The following RBFOX1 variants were observed in gnomAD, a reference collection of about 807,000 sequenced individuals.
The protein encoded by RBFOX1 is RNA binding fox-1 homolog 1.
Under a neutral mutation model 57.7 loss-of-function variants are expected in RBFOX1, and 8 were observed. The ratio of observed to expected loss-of-function variants is 0.14; its 90% CI spans 0.08 to 0.25. The LOEUF (loss-of-function observed/expected upper bound fraction) is 0.25. Ranked by LOEUF, RBFOX1 falls within the 10% of genes least tolerant of loss-of-function variation. The probability of loss-of-function intolerance (pLI) is 1.00; values close to 1 mark genes in which losing one functional copy is unlikely to be tolerated. For missense variants in RBFOX1, 611 were observed against 548.5 expected (o/e 1.11, Z -1.14); for synonymous variants, 326 against 222.4 (o/e 1.47, Z -4.15).
chr16:6,464,644 A>G (rs796304218), intron 2 of RBFOX1, among the ~76,000 whole-genome samples: 1 of 152,228 alleles, frequency 6.6e-6, no homozygotes, highest in Non-Finnish European at 1.5e-5. Context: ...TAGCCCTAAC[A>G]TCGCTGCTAT....
chr16:6,082,468 C>A (rs2096018355), intron 1 of RBFOX1, among the ~76,000 whole-genome samples: 1 of 149,936 alleles, frequency 6.7e-6, no homozygotes, highest in African/African-American at 2.5e-5. Context: ...CGTGCCCAGC[C>A]TCCAGTGCAT....
At chr16:7,312,432 C>A (rs866768493) in intron 4 of RBFOX1, among the ~76,000 whole-genome samples, 1 of 152,152 alleles carries the variant, frequency 6.6e-6, no homozygotes, top group Non-Finnish European at 1.5e-5. Flanking sequence ...GTTAAAGAAA[C>A]GTAGGATTTG....
At chr16:6,024,521 C>A (rs920548130) in intron 1 of RBFOX1, among the ~76,000 whole-genome samples, 7 of 152,194 alleles carry the variant, frequency 4.6e-5, no homozygotes, top group Admixed American at 3.3e-4. Flanking sequence ...CAGAGCCTCA[C>A]GTTGTATCCC....
At chr16:6,904,494 G>T (rs533966955) in intron 3 of RBFOX1, among the ~76,000 whole-genome samples, 4 of 151,314 alleles carry the variant, frequency 2.6e-5, no homozygotes, top group Admixed American at 6.6e-5. Context: ...CCAGCTACTC[G>T]GGAGGCCGAG....
At chr16:6,069,735 C>T (rs892262374) in intron 1 of RBFOX1, among the ~76,000 whole-genome samples, 6 of 152,010 alleles carry the variant, frequency 3.9e-5, no homozygotes, top group African/African-American at 1.4e-4. Context: ...ACCTGTAATC[C>T]CAACACTTTG....
At chr16:7,119,037 T>G (rs747102633) in intron 4 of RBFOX1, among the ~76,000 whole-genome samples, 3 of 152,106 alleles carry the variant, frequency 2.0e-5, no homozygotes, top group Non-Finnish European at 2.9e-5. Flanking sequence ...TCAAGGTTAC[T>G]TTTTGCAGGT....
chr16:5,921,391 G>T lies in RBFOX1; in HGVS notation c.351+54056G>T, dbSNP rs754214933. Reference sequence around the variant, plus strand: ...CTTAAGATGCAAGGTGGAATCTGATGAAAGTTAGGAGCAAAGTACCTGGGA... The same window carrying T: ...CTTAAGATGCAAGGTGGAATCTGATTAAAGTTAGGAGCAAAGTACCTGGGA... On this transcript the variant is annotated intron_variant, in intron 4 of 19. Coordinates refer to the RBFOX1 transcript ENST00000641259. 4.9e-4 allele frequency among the ~76,000 whole-genome samples: 74 copies of T among 152,206 alleles called. 1 individual carries two copies. Among genetic ancestry groups the T allele is most frequent in the Non-Finnish European group, 1.3e-4 (9 of 68,050 alleles).
At chr16:7,420,488 T>C (rs2098529823) in intron 4 of RBFOX1, among the ~76,000 whole-genome samples, 1 of 152,230 alleles carries the variant, frequency 6.6e-6, no homozygotes, top group South Asian at 2.1e-4. Flanking sequence ...TCTAAATCGA[T>C]ACATCTCTTG....
chr16:5,605,448 A>C (rs566938844), intron 3 of RBFOX1, among the ~76,000 whole-genome samples: 1 of 152,336 alleles, frequency 6.6e-6, no homozygotes, highest in South Asian at 2.1e-4. Context: ...TCAGTAGGGA[A>C]GAGTGGTGCC....
intron 5 of RBFOX1, among the ~76,000 whole-genome samples, chr16:7,572,256 T>C (rs776923036): frequency 1.3e-5 from 2 of 152,200 alleles, no homozygotes; most frequent in Non-Finnish European, 2.9e-5. Flanking sequence ...AGGACAAGTA[T>C]ACATTTATCA....
intron 3 of RBFOX1, among the ~76,000 whole-genome samples, chr16:6,710,319 G>A (rs1459990561): frequency 1.3e-5 from 2 of 152,070 alleles, no homozygotes; most frequent in African/African-American, 4.8e-5. Context: ...TTTAATGACT[G>A]CATTTTTTAA....
intron 1 of RBFOX1, among the ~76,000 whole-genome samples, chr16:6,029,204 T>A (rs1255179941): frequency 6.6e-6 from 1 of 152,236 alleles, no homozygotes; most frequent in Non-Finnish European, 1.5e-5. Flanking sequence ...TGTTTCCTAG[T>A]GAATTTCATT....
chr16:7,073,037 G>C (rs753309036), intron 4 of RBFOX1, among the ~76,000 whole-genome samples: 3 of 152,172 alleles, frequency 2.0e-5, no homozygotes, highest in Non-Finnish European at 2.9e-5. Context: ...AGGGTTAACT[G>C]TGACACAGAG....
chr16:7,057,929 C>T (rs62014068), intron 4 of RBFOX1, among the ~76,000 whole-genome samples: 2,420 of 145,478 alleles, frequency 0.017, 41 homozygotes, highest in Admixed American at 0.035. Flanking sequence ...AATTGCTTGA[C>T]CCCGGGAGGT....
chr16:6,407,517 G>T (rs1221597841), intron 2 of RBFOX1, among the ~76,000 whole-genome samples: 3 of 150,206 alleles, frequency 2.0e-5, no homozygotes, highest in Admixed American at 6.7e-5. Context: ...GAGAGAAAGA[G>T]AGGAGAAAGA....
intron 3 of RBFOX1, among the ~76,000 whole-genome samples, chr16:6,768,695 CTATATATA>C (rs146864975): frequency 6.8e-6 from 1 of 147,194 alleles, no homozygotes; most frequent in Non-Finnish European, 1.5e-5. Flanking sequence ...ATATATGTAC[CTATATATA>C]TATATGTATA....
chr16:7,292,681 A>T (rs1195987391), intron 4 of RBFOX1, among the ~76,000 whole-genome samples: 1 of 151,854 alleles, frequency 6.6e-6, no homozygotes, highest in African/African-American at 2.4e-5. Context: ...GAACGCTACA[A>T]TACATGTGCA....
intron 1 of RBFOX1, among the ~76,000 whole-genome samples, chr16:6,280,084 T>A (rs2152695596): frequency 6.6e-6 from 1 of 151,842 alleles, no homozygotes; most frequent in South Asian, 2.1e-4. Context: ...GACTAATACA[T>A]TTTGGGGGTC....
chr16:6,518,760 CATCT>C (rs919416599), intron 2 of RBFOX1, among the ~76,000 whole-genome samples: 50 of 151,378 alleles, frequency 3.3e-4, no homozygotes, highest in East Asian at 2.4e-3. Context: ...TCTGTCTATC[CATCT>C]ATCTATCCAT....
Sources: allele counts gnomAD v4.1 joint callset (sites outside exome capture counted in the v4.1 genomes callset), GRCh38; gene constraint gnomAD v4.1.1; transcripts MANE v1.5; gene names NCBI Gene and HGNC (gene_info 2026-07-23, HGNC 2026-07-21).